The following BDP1 variants were observed in gnomAD, a reference collection of about 807,000 sequenced individuals.
BDP1 encodes the protein BDP1 general transcription factor IIIB subunit, also known as transcription factor TFIIIB component B'' homolog.
A neutral mutation model predicts 266.6 loss-of-function variants in BDP1; 169 were observed. The ratio of observed to expected loss-of-function variants is 0.63; its 90% confidence interval spans 0.56 to 0.72. The LOEUF is 0.72. Ranked by LOEUF, BDP1 falls within the 30% of genes least tolerant of loss-of-function variation. The pLI is 0.00. For missense variants in BDP1, 3,015 were observed against 3,053.8 expected, an observed-to-expected ratio of 0.99 and a Z score of 0.30; for synonymous variants, 1,090 against 1,022.4, an observed-to-expected ratio of 1.07 and a Z score of -1.26.
chr5:71,516,001 C>A, intron 20 of BDP1, 60 bp from the exon 21 acceptor site: 2 of 1,234,234 alleles, frequency 1.6e-6, no homozygotes, highest in South Asian at 1.4e-5. Context: ...TACATTTTTA[C>A]ATTAGTTTTC....
chr5:71,510,660 A>G lies in BDP1; in HGVS notation c.3568A>G (p.Ile1190Val), dbSNP rs201489179. The change falls in exon 17 of 39, where the codon ATT (isoleucine) becomes GTT (valine). Residue 1190 changes from isoleucine (I) to valine (V), a missense_variant. By Grantham distance (29) the Ile-to-Val change is conservative. Around this residue, in one of 3 missense-constraint regions of BDP1, gnomAD observed 2,383 missense variants for 2,404.9 expected, o/e 0.99. Coordinates refer to ENST00000358731, the MANE Select transcript of BDP1 (RefSeq NM_018429.3). ...GSSREKTREV[I>V]DAAEVIETDL... ...CTCAAGGGAGAAGACACGAGAGGTGATTGATGCTGCTGAGGTAATAGAGAC... is the reference window on the plus strand; with the variant it reads ...CTCAAGGGAGAAGACACGAGAGGTGGTTGATGCTGCTGAGGTAATAGAGAC... 5.0e-6 allele frequency: 8 copies of G among 1,585,344 alleles called. 1 individual carries two copies. Among genetic ancestry groups the G allele is most frequent in the African/African-American group, 1.4e-5 (1 of 73,708 alleles).
rs572240859 is a variant in BDP1 at position 71,504,855 on chromosome 5, C to T, written c.2372+104C>T. 4.5e-4 allele frequency: 467 copies of T among 1,038,122 alleles called. 1 individual carries two copies. In the Middle Eastern group the frequency reaches 7.6e-3, roughly 17 times the overall value. The allele number at this position is 1,038,122 out of a possible 1,614,324, so 64.3% of individuals were successfully genotyped here. A position where few individuals can be genotyped will look rare whatever the true frequency, so the allele number is the denominator to read the frequency against. On this transcript the variant is annotated intron_variant, in intron 16 of 38. Coordinates refer to ENST00000358731, the MANE Select transcript of BDP1 (RefSeq NM_018429.3). ...GCAATTTAGATGGATTTGTTGTCTG[C>T]GTGTCTAGTTATGTAGTGTTTAAAA...
intron 7 of BDP1, among the ~76,000 whole-genome samples, chr5:71,481,975 T>A (rs1206254905): frequency 6.6e-6 from 1 of 152,208 alleles, no homozygotes; most frequent in Non-Finnish European, 1.5e-5. Context: ...TTATCTCTAA[T>A]GGTGATCTTT....
chr5:71,497,614 G>A (rs1763973890), intron 13 of BDP1, among the ~76,000 whole-genome samples, 188 bp downstream of exon 13: 1 of 151,988 alleles, frequency 6.6e-6, no homozygotes, highest in South Asian at 2.1e-4. Flanking sequence ...CTTTAACCTG[G>A]GATGTAATCA....
chr5:71,480,771 C>G (rs1002512474), intron 7 of BDP1, among the ~76,000 whole-genome samples: 4 of 152,128 alleles, frequency 2.6e-5, no homozygotes, highest in Non-Finnish European at 5.9e-5. Context: ...ACCATGTTGG[C>G]TAGGCTGGTC....
In BDP1 at chr5:71,523,468, C is replaced by T. The variant is rs563330573; in HGVS notation, c.5388-471C>T. ...AGCTGGGATTACAGGCGTGCACCACCGTGCCCAGCTAATTTTTGTATTTTT... is the reference window on the plus strand; with the variant it reads ...AGCTGGGATTACAGGCGTGCACCACTGTGCCCAGCTAATTTTTGTATTTTT... On this transcript the variant is annotated intron_variant, in intron 24 of 38. Coordinates refer to ENST00000358731, the MANE Select transcript of BDP1 (RefSeq NM_018429.3). 1.0e-3 allele frequency among the ~76,000 whole-genome samples: 158 copies of T among 152,186 alleles called. 3 individuals are homozygous for T. The highest frequency in any genetic ancestry group is 3.0e-3 in the African/African-American group (124 of 41,524).
chr5:71,486,411 TATG>T, intron 8 of BDP1, 70 bp from the exon 9 acceptor site: 1 of 1,324,292 alleles, frequency 7.6e-7, no homozygotes, highest in Non-Finnish European at 1.0e-6. Flanking sequence ...CTTTTGATGT[TATG>T]ATACTTTAAA....
chr5:71,508,143 TGAGTA>T (rs1178530120), intron 16 of BDP1, among the ~76,000 whole-genome samples: 1 of 152,112 alleles, frequency 6.6e-6, no homozygotes, highest in African/African-American at 2.4e-5. Flanking sequence ...TTTTGTATTT[TGAGTA>T]GAGACAGGGT....
chr5:71,489,092 C>T (rs1422413708), intron 9 of BDP1, among the ~76,000 whole-genome samples: 2 of 152,164 alleles, frequency 1.3e-5, no homozygotes, highest in Non-Finnish European at 2.9e-5. Context: ...CAAGGAGCAT[C>T]TCTATATGTA....
chr5:71,537,052 C>T (rs1037965051), intron 26 of BDP1, among the ~76,000 whole-genome samples: 17 of 150,056 alleles, frequency 1.1e-4, no homozygotes, highest in Non-Finnish European at 1.8e-4. Context: ...TGCTTGAACC[C>T]AGGAGGCGAA....
At chr5:71,511,829 T>C (rs963458840) in intron 17 of BDP1, among the ~76,000 whole-genome samples, 7 of 152,224 alleles carry the variant, frequency 4.6e-5, no homozygotes, top group Admixed American at 2.0e-4. Flanking sequence ...AATAGGAAAT[T>C]AGACTGAATT....
intron 7 of BDP1, among the ~76,000 whole-genome samples, chr5:71,479,647 C>T (rs1365877571): frequency 2.7e-5 from 4 of 147,508 alleles, no homozygotes; most frequent in South Asian, 2.2e-4. Context: ...CCCGGGTTCA[C>T]GCCATTCTCC....
intron 11 of BDP1, among the ~76,000 whole-genome samples, chr5:71,491,997 T>C (rs1204851580): frequency 6.6e-6 from 1 of 152,242 alleles, no homozygotes; most frequent in Non-Finnish European, 1.5e-5. Flanking sequence ...ATTACAGGTG[T>C]GAGTCACAGC....
rs1485815842 is a variant in BDP1 at position 71,501,607 on chromosome 5, A to C, written c.2002A>C (p.Met668Leu). 7 of 1,607,396 alleles carry C rather than the reference A, an allele frequency of 4.4e-6. No homozygotes were observed. Among genetic ancestry groups the C allele is most frequent in the South Asian group, 1.1e-5 (1 of 90,824 alleles). Reference protein sequence around the residue: ...DKMNTLDILRMETTERENPEA... With the variant: ...DKMNTLDILRLETTERENPEA... Reference sequence around the variant, plus strand: ...AATGAATACATTGGACATTTTGAGAATGGAGACTACAGAGAGAGAGAATCC... The same window carrying C: ...AATGAATACATTGGACATTTTGAGACTGGAGACTACAGAGAGAGAGAATCC... Residue 668 changes from methionine (M) to leucine (L), a missense_variant, in exon 14 of 39, where the codon ATG (methionine) becomes CTG (leucine). Coordinates refer to ENST00000358731, the MANE Select transcript of BDP1 (RefSeq NM_018429.3).
chr5:71,540,752 C>T (rs890934085), intron 28 of BDP1, among the ~76,000 whole-genome samples: 3 of 152,112 alleles, frequency 2.0e-5, no homozygotes, highest in East Asian at 1.9e-4. Context: ...GCCTGGGCAA[C>T]ATGGTGGAAC....
intron 34 of BDP1, 84 bp downstream of exon 34, chr5:71,549,690 A>G: frequency 3.6e-6 from 4 of 1,103,622 alleles, no homozygotes; most frequent in Non-Finnish European, 5.0e-6. Context: ...CCATTCACCA[A>G]TGTTAGTTGT....
chr5:71,490,202 A>T (rs1373980110), intron 10 of BDP1, among the ~76,000 whole-genome samples: 1 of 152,166 alleles, frequency 6.6e-6, no homozygotes, highest in African/African-American at 2.4e-5. Flanking sequence ...TTAAGAGTTC[A>T]TATGTAGATT....
intron 7 of BDP1, among the ~76,000 whole-genome samples, chr5:71,476,893 C>T (rs562839440): frequency 8.5e-5 from 13 of 152,240 alleles, no homozygotes; most frequent in Admixed American, 2.0e-4. Context: ...TTAGTAGAGA[C>T]GGGGTTTCAC....
In BDP1 at chr5:71,512,116, C is replaced by A. The variant is rs149333822; in HGVS notation, c.4060-125C>A. The A allele has an allele frequency of 1.3e-4, 61 of 482,892 alleles. 1 individual carries two copies. In the East Asian group the frequency reaches 2.0e-3, roughly 16 times the overall value. 29.9% of individuals were successfully genotyped at this position (482,892 alleles called of 1,614,324 possible). On this transcript the variant is annotated intron_variant, in intron 17 of 38. Transcript: ENST00000358731. The stretch of plus-strand genomic sequence containing the variant: ...TAACATTTGGAAATTAAATTTTATT[C>A]AAAAATTAAAAACTTCTAAAGTTTT...
Sources: allele counts gnomAD v4.1 joint callset (sites outside exome capture counted in the v4.1 genomes callset), GRCh38; gene constraint gnomAD v4.1.1; regional missense constraint gnomAD v4.1.1; transcripts MANE v1.5; gene names NCBI Gene and HGNC (gene_info 2026-07-23, HGNC 2026-07-21).